MTERF4: variants seen among roughly 807,000 people sequenced by gnomAD.
The protein encoded by MTERF4 is mitochondrial transcription termination factor 4, also known as transcription termination factor 4, mitochondrial.
MTERF4 carries 17 observed loss-of-function variants against 22.5 expected under a neutral mutation model. The observed-to-expected ratio is 0.75, with a 90% confidence interval of 0.52 to 1.13. The LOEUF is 1.13. MTERF4 is among the 50% of genes most tolerant of loss of function. The probability of loss-of-function intolerance (pLI) is 0.00; values close to 1 mark genes in which losing one functional copy is unlikely to be tolerated. For missense variants in MTERF4, 420 were observed against 466.8 expected (o/e 0.90, Z 0.92); for synonymous variants, 165 against 175.3 (o/e 0.94, Z 0.47).
At chr2:241,102,006 T>A (rs2064731560) in intron 1 of MTERF4, 1 of 559,434 alleles carries the variant, frequency 1.8e-6, no homozygotes. Flanking sequence ...TGAGCCGAGA[T>A]CGCGCCATTG....
chr2:241,098,829 T>G (rs1035989053), intron 2 of MTERF4, among the ~76,000 whole-genome samples: 4 of 152,186 alleles, frequency 2.6e-5, no homozygotes, highest in African/African-American at 9.7e-5. Flanking sequence ...CTGCACTAGG[T>G]GCTGAAGATC....
In MTERF4 at chr2:241,073,102, G is replaced by A. The variant is rs1039573891; in HGVS notation, n.3060C>T. 8 of 594,462 alleles carry A rather than the reference G, an allele frequency of 1.3e-5. No individual in the cohort carries two copies. The highest frequency in any genetic ancestry group is 1.1e-4 in the East Asian group (4 of 35,836). 36.8% of individuals were successfully genotyped at this position (594,462 alleles called of 1,614,324 possible). On this transcript the variant is annotated non_coding_transcript_exon_variant, in exon 5 of 5. Coordinates refer to the MTERF4 transcript ENST00000464344. This position sits in a 1 kb window ranked among gnomAD's most constrained non-coding sequence, Gnocchi z 6.6. The stretch of plus-strand genomic sequence containing the variant: ...GGAGGGTGAGGCCAGCCCTTCAGGG[G>A]AGGCAGCTCTGGGGCCGACAGGTGC...
At chr2:241,043,572 A>G in the MTERF4 span, among the ~76,000 whole-genome samples, 2 of 152,220 alleles carry the variant, frequency 1.3e-5, no homozygotes, top group Admixed American at 1.3e-4. Flanking sequence ...GGATCTACAC[A>G]AAAGAATGAA....
chr2:241,060,045 G>A, the MTERF4 span, among the ~76,000 whole-genome samples: 1 of 152,180 alleles, frequency 6.6e-6, no homozygotes, highest in African/African-American at 2.4e-5. Context: ...TAGATCCCAG[G>A]ATACAGGGTC....
At chr2:241,098,532 C>A (rs2064557958) in intron 2 of MTERF4, among the ~76,000 whole-genome samples, 2 of 152,262 alleles carry the variant, frequency 1.3e-5, no homozygotes, top group East Asian at 3.9e-4. Context: ...TTTGAGCATC[C>A]TTGAGATGTG....
Position 241,099,812 on chromosome 2 carries a change from G to T in MTERF4, c.104C>A (p.Thr35Lys), listed in dbSNP as rs763068285. Reference protein sequence around the residue: ...QTPHLGEQRRTTASLLRKLTT... With the variant: ...QTPHLGEQRRKTASLLRKLTT... Reference sequence around the variant, plus strand: ...CAGTTTGCGCAACAAAGAAGCTGTCGTCCTTCTCTGTTCTCCAAGATGAGG... The same window carrying T: ...CAGTTTGCGCAACAAAGAAGCTGTCTTCCTTCTCTGTTCTCCAAGATGAGG... Residue 35 changes from threonine (T) to lysine (K), a missense_variant, in exon 2 of 4, where the codon ACG (threonine) becomes AAG (lysine). Physicochemically the swap from Thr to Lys is moderately conservative, Grantham distance 78 (BLOSUM62 -1). Transcript: ENST00000391980. 3.7e-6 allele frequency: 6 copies of T among 1,613,950 alleles called. No homozygotes were observed. In the African/African-American group the frequency reaches 8.0e-5, roughly 22 times the overall value.
chr2:241,062,790 G>C, the MTERF4 span: 25 of 1,605,442 alleles, frequency 1.6e-5, no homozygotes, highest in African/African-American at 3.2e-4. Flanking sequence ...TCTCCTCTCA[G>C]AAATCGATGA....
chr2:241,072,098 A>G (rs1559297104), downstream of MTERF4: 1 of 700,010 alleles, frequency 1.4e-6, no homozygotes. Flanking sequence ...GCCTCACGTC[A>G]GTGTGTGGGC....
In MTERF4 at chr2:241,073,035, G is replaced by C. The variant is rs868554275; in HGVS notation, n.3127C>G. 4.7e-5 allele frequency: 25 copies of C among 532,756 alleles called. 1 individual carries two copies. The South Asian group carries it at 7.1e-4, about 15-fold the overall frequency. The allele number at this position is 532,756 out of a possible 1,614,324, so 33.0% of individuals were successfully genotyped here. A position where few individuals can be genotyped will look rare whatever the true frequency, so the allele number is the denominator to read the frequency against. On this transcript the variant is annotated non_coding_transcript_exon_variant, in exon 5 of 5. Coordinates refer to the MTERF4 transcript ENST00000464344. This position sits in a 1 kb window ranked among gnomAD's most constrained non-coding sequence, Gnocchi z 6.6. Reference sequence around the variant, plus strand: ...GCTGTCCCTGAAGCAGCTCTGAGGGGGCCCTGCAAGGGGAAGGCCGAGCCC... The same window carrying C: ...GCTGTCCCTGAAGCAGCTCTGAGGGCGCCCTGCAAGGGGAAGGCCGAGCCC...
chr2:241,064,994 A>G, the MTERF4 span: 6 of 1,470,098 alleles, frequency 4.1e-6, no homozygotes, highest in South Asian at 7.6e-5. The surrounding 1 kb of genome is among the most constrained non-coding windows in gnomAD (Gnocchi z 7.0). Flanking sequence ...GGGAGCCACG[A>G]GGGGGTCCCC....
At chr2:241,070,061 A>G (rs1372635764), downstream of MTERF4, 8 of 1,612,954 alleles carry the variant, frequency 5.0e-6, no homozygotes, top group Non-Finnish European at 8.5e-7. Context: ...AAGAGCCGCT[A>G]TGTCCCCAAC....
chr2:241,086,183 T>G (rs138122131), downstream of MTERF4, among the ~76,000 whole-genome samples: 14 of 152,312 alleles, frequency 9.2e-5, no homozygotes, highest in Admixed American at 8.5e-4. Context: ...GGGGTTTCTA[T>G]GGATGGCCTA....
the MTERF4 span, among the ~76,000 whole-genome samples, chr2:241,042,993 C>A: frequency 6.7e-6 from 1 of 149,302 alleles, no homozygotes; most frequent in Non-Finnish European, 1.5e-5. Flanking sequence ...TATCAAGCAG[C>A]CTGGGATCCA....
At chr2:241,072,192 G>A (rs929781793) in exon 5 of MTERF4, 11 of 597,524 alleles carry the variant, frequency 1.8e-5, no homozygotes, top group Non-Finnish European at 3.5e-5. Context: ...AGCTTTATTT[G>A]CCAAAGTAGG....
In MTERF4 at chr2:241,102,035, G is replaced by C. The variant is rs545906034; in HGVS notation, c.21+218C>G. On this transcript the variant is annotated intron_variant, in intron 1 of 3. Transcript: ENST00000391980. ...GCCATTGCACTCCAGCCTGGAGACA[G>C]AGCGAGACTTTGTCTCAAAAAAAAA... is the stretch of plus-strand genomic sequence containing the variant. 5.5e-5 allele frequency: 33 copies of C among 596,130 alleles called. No homozygotes were observed. The South Asian group carries it at 6.7e-4, about 12-fold the overall frequency. 36.9% of individuals were successfully genotyped at this position (596,130 alleles called of 1,614,324 possible).
At chr2:241,056,482 A>C in the MTERF4 span, among the ~76,000 whole-genome samples, 1 of 152,172 alleles carries the variant, frequency 6.6e-6, no homozygotes, top group African/African-American at 2.4e-5. Context: ...GAAGAAAAAA[A>C]ACCATAGAAC....
chr2:241,087,202 T>G (rs923155254), downstream of MTERF4: 34 of 579,464 alleles, frequency 5.9e-5, no homozygotes, highest in Non-Finnish European at 2.8e-5. Flanking sequence ...CACAATAAAT[T>G]TATTACAAAT....
chr2:241,089,912 A>AGT (rs1575153190), downstream of MTERF4: 2 of 1,528,354 alleles, frequency 1.3e-6, no homozygotes, highest in South Asian at 1.3e-5. Context: ...CACAGTGCCA[A>AGT]GTGTGTGTGT....
chr2:241,081,644 C>CA, intron 4 of MTERF4: 1 of 1,499,632 alleles, frequency 6.7e-7, no homozygotes, highest in Non-Finnish European at 9.1e-7. Context: ...CCTGGGGTTC[C>CA]AGTGACTAAC....
Sources: allele counts gnomAD v4.1 joint callset (sites outside exome capture counted in the v4.1 genomes callset), GRCh38; gene constraint gnomAD v4.1.1; non-coding constraint Gnocchi (gnomAD v3.1); transcripts MANE v1.5; gene names NCBI Gene and HGNC (gene_info 2026-07-23, HGNC 2026-07-21).